MFSD6: variants seen among roughly 807,000 people sequenced by gnomAD.
The protein encoded by MFSD6 is major facilitator superfamily domain containing 6.
A neutral mutation model predicts 56.3 loss-of-function variants in MFSD6; 26 were observed. That is an observed-to-expected ratio of 0.46 (90% CI 0.34 to 0.64). MFSD6 has a LOEUF of 0.64. Among genes scored for constraint, MFSD6 ranks in the 30% least tolerant of loss-of-function variants. MFSD6 has a pLI of 0.01. For missense variants in MFSD6, 750 were observed against 986.2 expected, an observed-to-expected ratio of 0.76 and a Z score of 3.21; for synonymous variants, 331 against 366.9, an observed-to-expected ratio of 0.90 and a Z score of 1.12.
At chr2:190,460,841 G>C (rs1476588383) in intron 3 of MFSD6, among the ~76,000 whole-genome samples, 1 of 152,156 alleles carries the variant, frequency 6.6e-6, no homozygotes, top group Non-Finnish European at 1.5e-5. Context: ...TGTTGTGCCA[G>C]ACAAGGTGAC....
Position 190,437,534 on chromosome 2 carries a change from A to T in MFSD6, c.1505A>T (p.Lys502Met). The change falls in exon 3 of 8, where the codon AAG becomes ATG. Residue 502 changes from lysine (K) to methionine (M), a missense_variant. Physicochemically the swap from Lys to Met is moderately conservative, Grantham distance 95. Transcript: ENST00000392328. The surrounding 1 kb of genome is among the most constrained non-coding windows in gnomAD (Gnocchi z 5.9). ...CTGACAGCATATTTTTTTAGTCACA[A>T]GCTTATTGAATTGATCGGCCACATC... ...SELTAYFFSH[K>M]LIELIGHIRV... The T allele has an allele frequency of 6.2e-7, 1 of 1,613,922 alleles. No homozygotes were observed. The highest frequency in any genetic ancestry group is 1.1e-5 in the South Asian group (1 of 91,064).
At chr2:190,475,134 A>G (rs1339093115) in intron 4 of MFSD6, among the ~76,000 whole-genome samples, 1 of 152,216 alleles carries the variant, frequency 6.6e-6, no homozygotes, top group African/African-American at 2.4e-5. Flanking sequence ...AACTGGAAGC[A>G]TTCCCTTTGA....
At chr2:190,429,888 G>C (rs907974164) in intron 2 of MFSD6, among the ~76,000 whole-genome samples, 1 of 151,684 alleles carries the variant, frequency 6.6e-6, no homozygotes. Context: ...GGGTACATGT[G>C]TACAATGTGC....
chr2:190,441,110 T>C (rs935658815), intron 3 of MFSD6, among the ~76,000 whole-genome samples: 2 of 152,180 alleles, frequency 1.3e-5, no homozygotes, highest in African/African-American at 2.4e-5. Flanking sequence ...TTTCTCCTTC[T>C]TCTCATCATC....
intron 2 of MFSD6, among the ~76,000 whole-genome samples, chr2:190,420,288 G>A (rs1290432812): frequency 4.6e-5 from 7 of 151,974 alleles, no homozygotes; most frequent in African/African-American, 1.7e-4. Flanking sequence ...CAAGGTGCAA[G>A]TAAACTCTGT....
intron 6 of MFSD6, among the ~76,000 whole-genome samples, chr2:190,493,772 T>C (rs1358401293): frequency 6.6e-6 from 1 of 152,172 alleles, no homozygotes; most frequent in East Asian, 1.9e-4. Flanking sequence ...GAATTATCAT[T>C]GGGTCAACAG....
rs1455310763 is a variant in MFSD6, at chr2:190,485,786, T to C, written c.1631-2871T>C. On this transcript the variant is annotated intron_variant, in intron 4 of 7. Transcript: ENST00000392328. This position sits in a 1 kb window ranked among gnomAD's most constrained non-coding sequence, Gnocchi z 5.1. Reference sequence around the variant, plus strand: ...ACTGTGTATGCTACTGCTAATCATCTAGTCCATCTTACTAGTTAAAAAAAA... The same window carrying C: ...ACTGTGTATGCTACTGCTAATCATCCAGTCCATCTTACTAGTTAAAAAAAA... 6.8e-6 allele frequency among the ~76,000 whole-genome samples: 1 copy of C among 147,826 alleles called. No individual in the cohort carries two copies. Among genetic ancestry groups the C allele is most frequent in the Non-Finnish European group, 1.5e-5 (1 of 67,314 alleles).
rs1687815134 is a variant in MFSD6, at chr2:190,469,818, G to A, written c.1593G>A (p.Glu531=). ...TARYIYISYL[E]NAWTVLPMEV... ...GCTATATTTATATTTCCTACCTGGA[G>A]AATGCCTGGACTGTTCTCCCCATGG... The change falls in exon 4 of 8, where the codon GAG becomes GAA. Residue 531 remains glutamate (E), a synonymous_variant. Transcript: ENST00000392328. The surrounding 1 kb of genome is among the most constrained non-coding windows in gnomAD (Gnocchi z 5.3). The A allele has an allele frequency of 1.9e-6, 3 of 1,610,196 alleles. No homozygotes were observed. In the South Asian group the frequency reaches 3.3e-5, roughly 18 times the overall value.
chr2:190,448,219 T>C (rs1163366270), intron 3 of MFSD6, among the ~76,000 whole-genome samples: 1 of 152,204 alleles, frequency 6.6e-6, no homozygotes, highest in Non-Finnish European at 1.5e-5. Flanking sequence ...TTCCATTACC[T>C]AGACAACCAC....
intron 2 of MFSD6, among the ~76,000 whole-genome samples, chr2:190,429,481 A>G (rs1685893837): frequency 6.6e-6 from 1 of 151,950 alleles, no homozygotes; most frequent in African/African-American, 2.4e-5. Flanking sequence ...ACCCACCACC[A>G]TGCCCAGCTA....
In MFSD6 at chr2:190,500,284, C is replaced by A. The variant is rs1300282117; in HGVS notation, c.*66C>A. The A allele has an allele frequency of 7.0e-6, 11 of 1,562,306 alleles. No individual in the cohort carries two copies. Among genetic ancestry groups the A allele is most frequent in the Non-Finnish European group, 9.6e-6 (11 of 1,140,168 alleles). On this transcript the variant is annotated 3_prime_UTR_variant, in exon 8 of 8. Coordinates refer to ENST00000392328, the MANE Select transcript of MFSD6 (RefSeq NM_017694.4). The surrounding 1 kb of genome is among the most constrained non-coding windows in gnomAD (Gnocchi z 5.3). Reference sequence around the variant, plus strand: ...CCTCAGCCAGGACACAGGGTGAGGCCCCCCAGCCAGGATATGCCTCCCCTG... The same window carrying A: ...CCTCAGCCAGGACACAGGGTGAGGCACCCCAGCCAGGATATGCCTCCCCTG...
At chr2:190,411,710 T>G (rs939079478) in intron 1 of MFSD6, 1 of 985,276 alleles carries the variant, frequency 1.0e-6, no homozygotes, top group East Asian at 1.1e-4. Flanking sequence ...GAGATCAAAG[T>G]GAAAGGTGGC....
chr2:190,421,400 C>CA (rs2125000694), intron 2 of MFSD6, among the ~76,000 whole-genome samples: 1 of 152,242 alleles, frequency 6.6e-6, no homozygotes, highest in Admixed American at 6.5e-5. Flanking sequence ...TTTGTAAAGA[C>CA]AAAATCCACA....
At position 190,416,986 on chromosome 2, in the gene MFSD6, G is replaced by A. The variant is rs1015722210; in HGVS notation, c.-54+1573G>A. On this transcript the variant is annotated intron_variant, in intron 2 of 7. Coordinates refer to ENST00000392328, the MANE Select transcript of MFSD6 (RefSeq NM_017694.4). The surrounding 1 kb of genome is among the most constrained non-coding windows in gnomAD (Gnocchi z 4.1). ...AATAAACAGTATTGAGAGCTTACAGGGGTAAAGGGCAATATGTTATGTTCT... is the reference window on the plus strand; with the variant it reads ...AATAAACAGTATTGAGAGCTTACAGAGGTAAAGGGCAATATGTTATGTTCT... 7.2e-5 allele frequency among the ~76,000 whole-genome samples: 11 copies of A among 152,042 alleles called. No homozygotes were observed. The highest frequency in any genetic ancestry group is 2.7e-4 in the African/African-American group (11 of 41,394).
chr2:190,481,060 T>C (rs1688635417), intron 4 of MFSD6, among the ~76,000 whole-genome samples: 1 of 152,234 alleles, frequency 6.6e-6, no homozygotes, highest in Non-Finnish European at 1.5e-5. Context: ...TTGAGGAAGA[T>C]AAGTGAAATC....
Position 190,412,155 on chromosome 2 carries a change from C to A in MFSD6, c.-175-3137C>A, listed in dbSNP as rs775931224. ...CAATTCTATGTAAAATTAACTAAAA[C>A]CACTGCTTAGAATCCTTAAAAATTA... On this transcript the variant is annotated intron_variant, in intron 1 of 7. Transcript: ENST00000392328. This position sits in a 1 kb window ranked among gnomAD's most constrained non-coding sequence, Gnocchi z 4.1. 1.4e-5 allele frequency: 14 copies of A among 983,534 alleles called. No homozygotes were observed. The highest frequency in any genetic ancestry group is 1.7e-5 in the Non-Finnish European group (14 of 828,234). 60.9% of individuals were successfully genotyped at this position (983,534 alleles called of 1,614,324 possible).
chr2:190,440,538 T>G (rs546823316), intron 3 of MFSD6, among the ~76,000 whole-genome samples: 18 of 152,362 alleles, frequency 1.2e-4, no homozygotes, highest in African/African-American at 4.1e-4. Context: ...TTCACATTGC[T>G]TAACATTTTA....
chr2:190,444,261 C>T (rs1686491408), intron 3 of MFSD6, among the ~76,000 whole-genome samples: 1 of 152,156 alleles, frequency 6.6e-6, no homozygotes, highest in Non-Finnish European at 1.5e-5. Flanking sequence ...TCTGCCAGAG[C>T]AGTACAAGTA....
Position 190,500,977 on chromosome 2 carries a change from CA to C in MFSD6, c.*761del, listed in dbSNP as rs1689996219. ...AAACAAGCGATTATTTCAAATCAAC[CA>C]ACCAACTCAGTATCCTGTGTTTTGA... On this transcript the variant is annotated 3_prime_UTR_variant, in exon 8 of 8. Transcript: ENST00000392328. This position sits in a 1 kb window ranked among gnomAD's most constrained non-coding sequence, Gnocchi z 5.3. The C allele has an allele frequency of 6.6e-6, 1 of 152,128 alleles. No individual in the cohort carries two copies. The highest frequency in any genetic ancestry group is 2.4e-5 in the African/African-American group (1 of 41,412). The allele number at this position is 152,128 out of a possible 1,614,324, so 9.4% of individuals were successfully genotyped here.
Sources: gnomAD v4.1 joint callset for allele counts (sites outside exome capture counted in the v4.1 genomes callset) on GRCh38, gnomAD v4.1.1 for gene constraint, Gnocchi (gnomAD v3.1) non-coding constraint, MANE v1.5 for transcripts, NCBI Gene and HGNC (gene_info 2026-07-23, HGNC 2026-07-21) for gene names.